The following ADK variants were observed in gnomAD, a reference collection of about 807,000 sequenced individuals.
ADK encodes the protein adenosine kinase, also known as N6,N6-dimethyladenosine kinase.
In ADK, 24 loss-of-function variants were observed where a neutral mutation model predicts 44.7. The observed-to-expected ratio is 0.54, with a 90% CI of 0.39 to 0.76. ADK has a LOEUF of 0.76. ADK is among the 30% of genes least tolerant of loss of function. The probability of loss-of-function intolerance (pLI) is 0.00; values close to 1 mark genes in which losing one functional copy is unlikely to be tolerated. For synonymous variants in ADK, 128 were observed against 142.6 expected (o/e 0.90, Z 0.73); for missense variants, 321 against 425.1 (o/e 0.76, Z 2.15).
intron 10 of ADK, 25 bp from the exon 11 acceptor site, chr10:74,708,296 G>A: frequency 6.2e-7 from 1 of 1,605,076 alleles, no homozygotes; most frequent in Non-Finnish European, 8.5e-7. Flanking sequence ...CAATACTCAT[G>A]TGTTTTTTTT....
At chr10:74,681,596 A>G (rs1022500569) in intron 10 of ADK, among the ~76,000 whole-genome samples, 2 of 152,312 alleles carry the variant, frequency 1.3e-5, no homozygotes, top group African/African-American at 4.8e-5. Context: ...CTGTAATCTC[A>G]GCACTTTAAG....
chr10:74,707,763 CAAAAA>C (rs565886417), intron 10 of ADK, among the ~76,000 whole-genome samples: 1 of 104,040 alleles, frequency 9.6e-6, no homozygotes, highest in South Asian at 3.8e-4. Flanking sequence ...AACTCCACCT[CAAAAA>C]AAAAAAAAAA....
Position 74,259,971 on chromosome 10 carries a change from G to A in ADK, c.194+35380G>A, listed in dbSNP as rs1172809394. Among the ~76,000 whole-genome samples, 2 of 151,914 alleles carry A rather than the reference G, an allele frequency of 1.3e-5. 1 individual carries two copies. Among genetic ancestry groups the A allele is most frequent in the Non-Finnish European group, 2.9e-5 (2 of 68,022 alleles). ...AAGTTTTGAAGACTATGTATGTTAAGTGCATTTTACCCTTTTGAGAGAGTT... is the reference window on the plus strand; with the variant it reads ...AAGTTTTGAAGACTATGTATGTTAAATGCATTTTACCCTTTTGAGAGAGTT... On this transcript the variant is annotated intron_variant, in intron 3 of 10. Transcript: ENST00000539909.
intron 5 of ADK, 74 bp downstream of exon 5, chr10:74,394,387 A>C: frequency 4.1e-6 from 6 of 1,447,722 alleles, no homozygotes; most frequent in African/African-American, 1.4e-5. Flanking sequence ...TTCCAATGTG[A>C]ATTTGGAATT....
intron 9 of ADK, among the ~76,000 whole-genome samples, chr10:74,603,311 T>C (rs1852206646): frequency 1.3e-5 from 2 of 152,110 alleles, no homozygotes; most frequent in Non-Finnish European, 2.9e-5. Flanking sequence ...AGAATGTGCA[T>C]GTTTGTTACA....
intron 1 of ADK, among the ~76,000 whole-genome samples, chr10:74,171,810 C>CTCTGTG (rs1554825180): frequency 0.017 from 2,430 of 144,060 alleles, 65 homozygotes; most frequent in African/African-American, 0.059. Context: ...CTCTGTCTCT[C>CTCTGTG]TGTGTGTGTG....
At chr10:74,538,736 A>G (rs907469956) in intron 7 of ADK, among the ~76,000 whole-genome samples, 3 of 152,272 alleles carry the variant, frequency 2.0e-5, no homozygotes, top group African/African-American at 4.8e-5. Context: ...CTTCTGTTAT[A>G]TATTTTACTG....
At chr10:74,594,857 A>G (rs1027476865) in intron 8 of ADK, among the ~76,000 whole-genome samples, 12 of 152,182 alleles carry the variant, frequency 7.9e-5, no homozygotes, top group Admixed American at 2.0e-4. Flanking sequence ...ATGTATTGCC[A>G]TATCAGTTCA....
At chr10:74,314,535 C>A in intron 3 of ADK, 132 bp from the exon 4 acceptor site, 1 of 651,138 alleles carries the variant, frequency 1.5e-6, no homozygotes, top group Non-Finnish European at 2.8e-6. Context: ...TATTTCAATT[C>A]ATTTATTCAA....
At chr10:74,446,327 G>T (rs111321065) in intron 6 of ADK, among the ~76,000 whole-genome samples, 1 of 152,040 alleles carries the variant, frequency 6.6e-6, no homozygotes, top group African/African-American at 2.4e-5. Context: ...ATTTCCAAGA[G>T]GGAGATATGA....
chr10:74,191,589 C>T (rs1393934959), intron 1 of ADK, among the ~76,000 whole-genome samples: 1 of 152,064 alleles, frequency 6.6e-6, no homozygotes, highest in East Asian at 1.9e-4. Flanking sequence ...TATCCTGTTC[C>T]TCCCTTTTCT....
intron 1 of ADK, among the ~76,000 whole-genome samples, chr10:74,185,958 C>T (rs1410601404): frequency 6.6e-6 from 1 of 151,118 alleles, no homozygotes; most frequent in Non-Finnish European, 1.5e-5. Context: ...AGGGATTCTT[C>T]TGCCTCAGCC....
At chr10:74,209,445 A>C (rs1274674570) in intron 2 of ADK, among the ~76,000 whole-genome samples, 2 of 152,194 alleles carry the variant, frequency 1.3e-5, no homozygotes, top group African/African-American at 4.8e-5. Context: ...CAACAACAAA[A>C]CATAAGTAAG....
intron 10 of ADK, among the ~76,000 whole-genome samples, chr10:74,707,656 G>GCTACTCA (rs553318839): frequency 2.0e-3 from 296 of 151,232 alleles, no homozygotes; most frequent in African/African-American, 6.9e-3. Flanking sequence ...CCAGCTACTC[G>GCTACTCA]GGAGCCTGAG....
chr10:74,578,943 A>G lies in ADK; in HGVS notation c.727-10339A>G, dbSNP rs1208309698. ...TACATCTTAGCCACCATATTTTTAC[A>G]TGTACATGTTTGGTACAGGCTTATG... is the stretch of plus-strand genomic sequence containing the variant. On this transcript the variant is annotated intron_variant, in intron 7 of 10. Transcript: ENST00000539909. 2.0e-5 allele frequency among the ~76,000 whole-genome samples: 3 copies of G among 152,150 alleles called. No individual in the cohort carries two copies. In the East Asian group the frequency reaches 5.8e-4, roughly 29 times the overall value.
chr10:74,621,132 A>G (rs1852979044), intron 9 of ADK, among the ~76,000 whole-genome samples: 1 of 152,178 alleles, frequency 6.6e-6, no homozygotes, highest in Non-Finnish European at 1.5e-5. Flanking sequence ...TTGTACTCAT[A>G]AAACATTTTC....
At chr10:74,222,203 C>T in intron 2 of ADK, among the ~76,000 whole-genome samples, 2 of 151,916 alleles carry the variant, frequency 1.3e-5, no homozygotes, top group Admixed American at 6.6e-5. Context: ...GGGTGAAGGA[C>T]ATGAACAGAC....
At chr10:74,405,842 G>A (rs1843903945) in intron 6 of ADK, among the ~76,000 whole-genome samples, 1 of 152,080 alleles carries the variant, frequency 6.6e-6, no homozygotes, top group African/African-American at 2.4e-5. Context: ...ATGTGTATGT[G>A]CCTCAGGTAC....
At chr10:74,172,416 C>T (rs898454502) in intron 1 of ADK, among the ~76,000 whole-genome samples, 1 of 152,036 alleles carries the variant, frequency 6.6e-6, no homozygotes, top group African/African-American at 2.4e-5. Flanking sequence ...ATTGGCTGGG[C>T]GCGGTGGCTC....
Sources: allele counts gnomAD v4.1 joint callset (sites outside exome capture counted in the v4.1 genomes callset), GRCh38; gene constraint gnomAD v4.1.1; transcripts MANE v1.5; gene names NCBI Gene and HGNC (gene_info 2026-07-23, HGNC 2026-07-21).